Variants in OTOGL observed in about 807,000 individuals in gnomAD.
OTOGL encodes otogelin-like protein.
OTOGL carries 285 observed loss-of-function variants against 318.5 expected under a neutral mutation model. The observed-to-expected ratio is 0.89, with a 90% CI of 0.81 to 0.99. The LOEUF (loss-of-function observed/expected upper bound fraction) is 0.99. Ranked by LOEUF, OTOGL falls within the 50% of genes least tolerant of loss-of-function variation. The pLI is 0.00. For synonymous variants in OTOGL, 987 were observed against 936.5 expected, an observed-to-expected ratio of 1.05 and a Z score of -0.99; for missense variants, 2,899 against 2,845.6, an observed-to-expected ratio of 1.02 and a Z score of -0.43.
At chr12:80,190,662 C>G (rs887624702) in intron 1 of OTOGL, among the ~76,000 whole-genome samples, 1 of 151,952 alleles carries the variant, frequency 6.6e-6, no homozygotes, top group Non-Finnish European at 1.5e-5. Flanking sequence ...TGGTGGGCGC[C>G]TGTAATCCCA....
chr12:80,294,938 A>G (rs1279275964), intron 26 of OTOGL, among the ~76,000 whole-genome samples: 1 of 151,984 alleles, frequency 6.6e-6, no homozygotes, highest in African/African-American at 2.4e-5. Context: ...AAAATTTTAA[A>G]AATTGGTCAG....
chr12:80,201,769 A>G (rs1199333879), intron 1 of OTOGL, among the ~76,000 whole-genome samples: 4 of 152,192 alleles, frequency 2.6e-5, no homozygotes, highest in African/African-American at 9.7e-5. Flanking sequence ...GGCCAGAGAA[A>G]GTCAGTTGGC....
chr12:80,129,383 A>T (rs1451664508), intron 1 of OTOGL, among the ~76,000 whole-genome samples: 1 of 152,156 alleles, frequency 6.6e-6, no homozygotes, highest in African/African-American at 2.4e-5. Context: ...ATATTTTTCT[A>T]TGTTTATGAG....
chr12:80,100,280 T>C (rs549265937), intron 1 of OTOGL, among the ~76,000 whole-genome samples: 1 of 152,304 alleles, frequency 6.6e-6, no homozygotes, highest in African/African-American at 2.4e-5. Flanking sequence ...CAGTAAATTA[T>C]TGTTAACTAT....
rs531417264 is a variant in OTOGL at position 80,374,074 on chromosome 12, A to G, written c.6781+2010A>G. On this transcript the variant is annotated intron_variant, in intron 57 of 58. Coordinates refer to ENST00000547103, the MANE Select transcript of OTOGL (RefSeq NM_001378609.3). ...TGATATTAGTTTGCAGGGCTGCTGT[A>G]ACAAACCAAAAAGTGGTTGGAAATA... Among the ~76,000 whole-genome samples, 44 of 152,346 alleles carry G rather than the reference A, an allele frequency of 2.9e-4. No individual in the cohort carries two copies. In the South Asian group the frequency reaches 8.5e-3, roughly 29 times the overall value.
At chr12:80,118,148 A>G (rs1219853982) in intron 1 of OTOGL, among the ~76,000 whole-genome samples, 1 of 152,160 alleles carries the variant, frequency 6.6e-6, no homozygotes, top group African/African-American at 2.4e-5. Context: ...ACCCCAAGTC[A>G]CTGTCTAATT....
chr12:80,300,312 C>T (rs1370402679), intron 27 of OTOGL, among the ~76,000 whole-genome samples: 2 of 151,146 alleles, frequency 1.3e-5, no homozygotes, highest in Non-Finnish European at 2.9e-5. Context: ...TGCCTCATAA[C>T]TCCAACTTGG....
intron 1 of OTOGL, among the ~76,000 whole-genome samples, chr12:80,148,654 A>T (rs1173172646): frequency 6.6e-6 from 1 of 152,100 alleles, no homozygotes; most frequent in Non-Finnish European, 1.5e-5. Context: ...AGTGTTTTTC[A>T]ACTTGGTTCC....
intron 24 of OTOGL, among the ~76,000 whole-genome samples, chr12:80,277,186 CTAAT>C (rs1312224579): frequency 1.4e-5 from 2 of 146,170 alleles, no homozygotes; most frequent in Non-Finnish European, 3.0e-5. Context: ...ATAATGACAA[CTAAT>C]TTTCAAATTT....
chr12:80,356,285 A>G (rs1889893172), intron 47 of OTOGL, 131 bp from the exon 48 acceptor site: 8 of 695,396 alleles, frequency 1.2e-5, no homozygotes, highest in African/African-American at 3.6e-5. Context: ...ACTGCAGTGT[A>G]AAAACATGCA....
At position 80,339,151 on chromosome 12, in the gene OTOGL, A is replaced by C. The variant is rs779541047; in HGVS notation, c.4937A>C (p.Tyr1646Ser). Residue 1646 changes from tyrosine (Y) to serine (S), a missense_variant, in exon 43 of 59, where the codon TAT (tyrosine) becomes TCT (serine). Transcript: ENST00000547103. Reference protein sequence around the residue: ...ELSIEDSGSMYVITTPAGLII... With the variant: ...ELSIEDSGSMSVITTPAGLII... ...TCCATAGAGGATTCTGGTTCAATGT[A>C]TGTAATTACTACTCCAGCTGGACTA... 7 of 1,610,778 alleles carry C rather than the reference A, an allele frequency of 4.3e-6. No individual in the cohort carries two copies. In the African/African-American group the frequency reaches 9.4e-5, roughly 22 times the overall value.
chr12:80,302,515 G>A, intron 27 of OTOGL, 119 bp from the exon 28 acceptor site: 1 of 615,088 alleles, frequency 1.6e-6, no homozygotes, highest in Non-Finnish European at 2.4e-6. Context: ...GAAAAGGCAT[G>A]ACCATGCAAC....
intron 46 of OTOGL, 38 bp downstream of exon 46, chr12:80,353,548 G>A (rs371459189): frequency 5.1e-5 from 69 of 1,346,550 alleles, no homozygotes; most frequent in Non-Finnish European, 6.3e-5. Context: ...TCAGGAATCC[G>A]GCAAACAAAC....
intron 45 of OTOGL, among the ~76,000 whole-genome samples, chr12:80,352,683 G>A (rs967536710): frequency 6.6e-6 from 1 of 152,088 alleles, no homozygotes; most frequent in African/African-American, 2.4e-5. Context: ...CTATTCAAGA[G>A]GGGCATTGCT....
intron 16 of OTOGL, among the ~76,000 whole-genome samples, chr12:80,256,078 A>G (rs1592616071): frequency 2.0e-5 from 3 of 152,182 alleles, no homozygotes; most frequent in Non-Finnish European, 4.4e-5. Context: ...CATCTGATAT[A>G]TTTAATGTAC....
chr12:80,328,683 C>T lies in OTOGL; in HGVS notation c.4218C>T (p.Pro1406=), dbSNP rs1414404499. 3 of 1,604,114 alleles carry T rather than the reference C, an allele frequency of 1.9e-6. No homozygotes were observed. The highest frequency in any genetic ancestry group is 1.3e-5 in the African/African-American group (1 of 74,562). The change falls in exon 36 of 59, where the codon CCC becomes CCT. Residue 1406 remains proline (P), a synonymous_variant. Coordinates refer to ENST00000547103, the MANE Select transcript of OTOGL (RefSeq NM_001378609.3). Reference sequence around the variant, plus strand: ...TGTAAAGGGTTGAAGGATGCTTGCCCTACTGCCCTAAAAATATGATCCTTG... The same window carrying T: ...TGTAAAGGGTTGAAGGATGCTTGCCTTACTGCCCTAAAAATATGATCCTTG... The part of the protein sequence containing the change: ...KFLPPVEGCL[P]YCPKNMILDE...
chr12:80,356,556 C>T (rs777574803), intron 48 of OTOGL, 36 bp downstream of exon 48: 1 of 1,447,144 alleles, frequency 6.9e-7, no homozygotes. Context: ...GAGTGAGGTT[C>T]ATTGTTCATT....
chr12:80,353,191 G>A (rs1889661716), intron 45 of OTOGL, 134 bp from the exon 46 acceptor site: 1 of 590,200 alleles, frequency 1.7e-6, no homozygotes, highest in South Asian at 4.8e-5. Flanking sequence ...TACAGAGTAA[G>A]TGAAAAATGG....
chr12:80,149,971 T>G (rs968618111), intron 1 of OTOGL, among the ~76,000 whole-genome samples: 3 of 152,170 alleles, frequency 2.0e-5, no homozygotes, highest in Admixed American at 6.5e-5. Flanking sequence ...CCTAGTGAGA[T>G]GAACCCGGTA....
Sources: allele counts gnomAD v4.1 joint callset (sites outside exome capture counted in the v4.1 genomes callset), GRCh38; gene constraint gnomAD v4.1.1; transcripts MANE v1.5; gene names NCBI Gene and HGNC (gene_info 2026-07-23, HGNC 2026-07-21).